Variants in ZNF772 observed in about 807,000 individuals in gnomAD.
ZNF772 encodes zinc finger protein 772.
In ZNF772, 8 loss-of-function variants were observed where a neutral mutation model predicts 11.0. That is an observed-to-expected ratio of 0.73 (90% CI 0.43 to 1.31). The LOEUF is 1.31. Ranked by LOEUF, ZNF772 falls within the 50% of genes most tolerant of loss-of-function variation. ZNF772 has a pLI of 0.01. For missense variants in ZNF772, 496 were observed against 552.3 expected, an observed-to-expected ratio of 0.90 and a Z score of 1.02; for synonymous variants, 155 against 180.4, an observed-to-expected ratio of 0.86 and a Z score of 1.13.
At chr19:57,477,133 CT>C in intron 1 of ZNF772, 143 bp downstream of exon 1, 2 of 1,060,032 alleles carry the variant, frequency 1.9e-6, no homozygotes, top group Non-Finnish European at 2.8e-6. Flanking sequence ...TCAACTCGTG[CT>C]GTCAAAATGG....
chr19:57,473,821 A>T lies in ZNF772; in HGVS notation c.800T>A (p.Ile267Lys). The T allele has an allele frequency of 6.2e-7, 1 of 1,612,434 alleles. No homozygotes were observed. The highest frequency in any genetic ancestry group is 8.5e-7 in the Non-Finnish European group (1 of 1,179,518). Residue 267 changes from isoleucine (I) to lysine (K), a missense_variant, in exon 4 of 4, where the codon ATA becomes AAA. By Grantham distance (102) the Ile-to-Lys change is moderately radical (BLOSUM62 -3). Transcript: ENST00000356584. ...GTGGATTCTCTGGTGCTGAGCAAGT[A>T]TGGGTTTGCGGCTAAAGGTTTTCCC... ...ECGKTFSRKP[I>K]LAQHQRIHTG...
In ZNF772 at chr19:57,473,230, T is replaced by G; in HGVS notation, c.*44A>C. On this transcript the variant is annotated 3_prime_UTR_variant, in exon 4 of 4. Transcript: ENST00000356584. ...GGCTATGCTTGGAGCTTCTCTCTGA[T>G]GTCAGTTATTATGTTGAACAAGGAA... 6.4e-7 allele frequency: 1 copy of G among 1,557,352 alleles called. No individual in the cohort carries two copies. The highest frequency in any genetic ancestry group is 8.7e-7 in the Non-Finnish European group (1 of 1,145,364).
Position 57,477,421 on chromosome 19 carries a change from GC to G in ZNF772, c.-113del. 8.7e-7 allele frequency: 1 copy of G among 1,147,456 alleles called. No individual in the cohort carries two copies. The highest frequency in any genetic ancestry group is 1.3e-6 in the Non-Finnish European group (1 of 783,422). 71.1% of individuals were successfully genotyped at this position (1,147,456 alleles called of 1,614,324 possible). A position where few individuals can be genotyped will look rare whatever the true frequency, so the allele number is the denominator to read the frequency against. ...AGGCAGCGCCACTGTCAAGCCTCAG[GC>G]CCACCTCTCTTCAGGGAAGAAGACA... On this transcript the variant is annotated 5_prime_UTR_variant, in exon 1 of 4. Transcript: ENST00000356584.
Position 57,472,924 on chromosome 19 carries a change from T to C in ZNF772, c.*350A>G, listed in dbSNP as rs148162742. 125 of 231,302 alleles carry C rather than the reference T, an allele frequency of 5.4e-4. No individual in the cohort carries two copies. In the East Asian group the frequency reaches 9.6e-3, roughly 18 times the overall value. The allele number at this position is 231,302 out of a possible 1,614,324, so 14.3% of individuals were successfully genotyped here. On this transcript the variant is annotated 3_prime_UTR_variant, in exon 4 of 4. Coordinates refer to ENST00000356584, the MANE Select transcript of ZNF772 (RefSeq NM_001144068.2). ...TGGGGCAGAAAAAAAGTGAGAATCC[T>C]TGATGGCCTCAGGCTACTGATGATT...
Position 57,477,301 on chromosome 19 carries a change from C to CGCT in ZNF772, c.8_9insAGC (p.Ala4dup), listed in dbSNP as rs1261281929. 5.0e-6 allele frequency: 8 copies of CGCT among 1,613,404 alleles called. No individual in the cohort carries two copies. The African/African-American group carries it at 1.1e-4, about 22-fold the overall frequency. ...CCTGTGCCGGGCCCATCGGCTCAGC[C>CGCT]GCCGCCATCAGGCCTGTGGACTACG... On this transcript the variant is annotated inframe_insertion, in exon 1 of 4. Transcript: ENST00000356584.
rs1274242973 is a variant in ZNF772, at chr19:57,472,238, GGCCTTCTGGAGGACA to G, written c.*1021_*1035del. 3 of 451,120 alleles carry G rather than the reference GGCCTTCTGGAGGACA, an allele frequency of 6.7e-6. No homozygotes were observed. The highest frequency in any genetic ancestry group is 1.3e-5 in the Non-Finnish European group (3 of 224,898). 27.9% of individuals were successfully genotyped at this position (451,120 alleles called of 1,614,324 possible). On this transcript the variant is annotated 3_prime_UTR_variant, in exon 4 of 4. Transcript: ENST00000356584. ...CTGCACCAACTATGATTCCTACCTG[GGCCTTCTGGAGGACA>G]GCCAATATCAACTGCCTACTGAAAA... is the stretch of plus-strand genomic sequence containing the variant.
chr19:57,477,184 G>T, intron 1 of ZNF772, 93 bp downstream of exon 1: 2 of 1,557,540 alleles, frequency 1.3e-6, no homozygotes, highest in Non-Finnish European at 1.8e-6. Context: ...AGATACAGGG[G>T]CCTGAGCTGC....
Position 57,471,976 on chromosome 19 carries a change from C to T in ZNF772, c.*1298G>A. On this transcript the variant is annotated 3_prime_UTR_variant, in exon 4 of 4. Transcript: ENST00000356584. ...AGGAAACTTTTGGTTTGAGAAGTGC[C>T]AACATGTATCAAAACTTATCAAATG... The T allele has an allele frequency of 3.3e-6, 1 of 300,742 alleles. No homozygotes were observed. Among genetic ancestry groups the T allele is most frequent in the South Asian group, 2.7e-5 (1 of 36,388 alleles). The allele number at this position is 300,742 out of a possible 1,614,324, so 18.6% of individuals were successfully genotyped here.
At position 57,473,877 on chromosome 19, in the gene ZNF772, A is replaced by G; in HGVS notation, c.744T>C (p.Thr248=). ...DSLVQHQRVH[T]GERPYECGEC... ...CACCGCACTCATAAGGCCTTTCTCC[A>G]GTGTGGACTCTCTGGTGTTGAACAA... Residue 248 remains threonine, a synonymous_variant, in exon 4 of 4, where the codon ACT becomes ACC. Transcript: ENST00000356584. The G allele has an allele frequency of 6.2e-7, 1 of 1,614,198 alleles. No homozygotes were observed. Among genetic ancestry groups the G allele is most frequent in the African/African-American group, 1.3e-5 (1 of 75,054 alleles).
Position 57,474,107 on chromosome 19 carries a change from AGTT to A in ZNF772, c.511_513del (p.Asn171del). On this transcript the variant is annotated inframe_deletion, in exon 4 of 4. Coordinates refer to ENST00000356584, the MANE Select transcript of ZNF772 (RefSeq NM_001144068.2). ...GACATCTCCATTGATTGCACAGCACAGTTGTTCAGAAGAAAGGGCCTGCTCTTA... is the reference window on the plus strand; with the variant it reads ...GACATCTCCATTGATTGCACAGCACAGTTCAGAAGAAAGGGCCTGCTCTTA... The A allele has an allele frequency of 6.2e-7, 1 of 1,614,170 alleles. No individual in the cohort carries two copies. The highest frequency in any genetic ancestry group is 1.3e-5 in the African/African-American group (1 of 75,046).
rs377697811 is a variant in ZNF772, at chr19:57,476,520, C to T, written c.72+114G>A. 16 of 1,360,442 alleles carry T rather than the reference C, an allele frequency of 1.2e-5. No homozygotes were observed. The East Asian group carries it at 1.4e-4, about 12-fold the overall frequency. The allele number at this position is 1,360,442 out of a possible 1,614,324, so 84.3% of individuals were successfully genotyped here. ...CTGGGCTTGGGGCTTCTCCAGAGTC[C>T]TCAGACCCAAGAGATCGGAGAGTAG... On this transcript the variant is annotated intron_variant, in intron 2 of 3. Transcript: ENST00000356584.
In ZNF772 at chr19:57,470,710, T is replaced by C. The variant is rs1231308021; in HGVS notation, c.*2564A>G. The C allele has an allele frequency of 6.6e-6, 1 of 152,102 alleles. No individual in the cohort carries two copies. The highest frequency in any genetic ancestry group is 2.4e-5 in the African/African-American group (1 of 41,392). The allele number at this position is 152,102 out of a possible 1,614,324, so 9.4% of individuals were successfully genotyped here. On this transcript the variant is annotated 3_prime_UTR_variant, in exon 4 of 4. Transcript: ENST00000356584. The stretch of plus-strand genomic sequence containing the variant: ...ATATAGACATTACCAGTATCAGGAA[T>C]AGAAGAGGTTGCACCACTACAAATT...
At position 57,471,343 on chromosome 19, in the gene ZNF772, C is replaced by G. The variant is rs966544510; in HGVS notation, c.*1931G>C. ...CTTGTTACAAAAAAACAAAACAAAACAAAACAAAATAGCAAATCAAATTCA... is the reference window on the plus strand; with the variant it reads ...CTTGTTACAAAAAAACAAAACAAAAGAAAACAAAATAGCAAATCAAATTCA... On this transcript the variant is annotated 3_prime_UTR_variant, in exon 4 of 4. Coordinates refer to ENST00000356584, the MANE Select transcript of ZNF772 (RefSeq NM_001144068.2). 1 of 151,806 alleles carries G rather than the reference C, an allele frequency of 6.6e-6. No individual in the cohort carries two copies. The highest frequency in any genetic ancestry group is 2.4e-5 in the African/African-American group (1 of 41,318). 9.4% of individuals were successfully genotyped at this position (151,806 alleles called of 1,614,324 possible).
In ZNF772 at chr19:57,474,217, A is replaced by T. The variant is rs1233844031; in HGVS notation, c.404T>A (p.Leu135Gln). ...ACTGAAGCAGAACTGTTTCCCACAC[A>T]GCACACACATGTATGGTTTCTGCCC... ...HPGQKPYMCV[L>Q]CGKQFCFSAN... Residue 135 changes from leucine (L) to glutamine (Q), a missense_variant, in exon 4 of 4, where the codon CTG becomes CAG. By Grantham distance (113) the Leu-to-Gln change is moderately radical (BLOSUM62 -2). Transcript: ENST00000356584. The T allele has an allele frequency of 6.2e-7, 1 of 1,614,194 alleles. No homozygotes were observed. The highest frequency in any genetic ancestry group is 8.5e-7 in the Non-Finnish European group (1 of 1,180,020).
rs181836769 is a variant in ZNF772, at chr19:57,475,413, C to T, written c.199+247G>A. Among the ~76,000 whole-genome samples, 259 of 152,314 alleles carry T rather than the reference C, an allele frequency of 1.7e-3. 2 individuals carry two copies. The highest frequency in any genetic ancestry group is 5.9e-3 in the African/African-American group (247 of 41,564). ...GACAAGATGGATATGACCCACTGGGCTGACAATACAATGCATAACTCCTGA... is the reference window on the plus strand; with the variant it reads ...GACAAGATGGATATGACCCACTGGGTTGACAATACAATGCATAACTCCTGA... On this transcript the variant is annotated intron_variant, in intron 3 of 3. Transcript: ENST00000356584. This position sits in a 1 kb window ranked among gnomAD's most constrained non-coding sequence, Gnocchi z 4.2.
At position 57,474,109 on chromosome 19, in the gene ZNF772, T is replaced by C. The variant is rs1455503406; in HGVS notation, c.512A>G (p.Asn171Ser). ...CATCTCCATTGATTGCACAGCACAG[T>C]TGTTCAGAAGAAAGGGCCTGCTCTT... ...SDKSRPFLLNNCAVQSMEMSF... is the reference protein window; with the variant it reads ...SDKSRPFLLNSCAVQSMEMSF... The change falls in exon 4 of 4, where the codon AAC (asparagine) becomes AGC (serine). Residue 171 changes from asparagine to serine, a missense_variant. Coordinates refer to ENST00000356584, the MANE Select transcript of ZNF772 (RefSeq NM_001144068.2). 2.5e-6 allele frequency: 4 copies of C among 1,614,150 alleles called. No homozygotes were observed. The highest frequency in any genetic ancestry group is 3.4e-6 in the Non-Finnish European group (4 of 1,179,986).
chr19:57,475,178 G>A lies in ZNF772; in HGVS notation c.199+482C>T. The A allele has an allele frequency of 6.2e-7, 1 of 1,612,190 alleles. No homozygotes were observed. The highest frequency in any genetic ancestry group is 1.7e-4 in the Middle Eastern group (1 of 6,036). On this transcript the variant is annotated intron_variant, in intron 3 of 3. Transcript: ENST00000356584. The surrounding 1 kb of genome is among the most constrained non-coding windows in gnomAD (Gnocchi z 4.2). The stretch of plus-strand genomic sequence containing the variant: ...GAAAGATAGAACAGCACTGGTCTGG[G>A]TAACCCATATAGAAAACTAAATATT...
chr19:57,476,582 A>C (rs754260087), intron 2 of ZNF772, 52 bp downstream of exon 2: 3 of 1,576,480 alleles, frequency 1.9e-6, no homozygotes, highest in Admixed American at 1.7e-5. Flanking sequence ...AATGCTGGAG[A>C]GCGTATTGGG....
intron 3 of ZNF772, 55 bp from the exon 4 acceptor site, chr19:57,474,476 A>C: frequency 6.5e-7 from 1 of 1,540,150 alleles, no homozygotes; most frequent in Non-Finnish European, 8.8e-7. Flanking sequence ...GAAGAGGGGA[A>C]GCCTCACTAC....
Sources: gnomAD v4.1 joint callset for allele counts (sites outside exome capture counted in the v4.1 genomes callset) on GRCh38, gnomAD v4.1.1 for gene constraint, Gnocchi (gnomAD v3.1) non-coding constraint, MANE v1.5 for transcripts, NCBI Gene and HGNC (gene_info 2026-07-23, HGNC 2026-07-21) for gene names.